KCNQ3: variants seen among roughly 807,000 people sequenced by gnomAD.
KCNQ3 encodes the protein potassium voltage-gated channel subfamily KQT member 3.
A neutral mutation model predicts 92.5 loss-of-function variants in KCNQ3; 30 were observed. The observed-to-expected ratio is 0.32, with a 90% CI of 0.24 to 0.44. The LOEUF is 0.44. KCNQ3 is among the 20% of genes least tolerant of loss of function. KCNQ3 has a pLI of 1.00. For synonymous variants in KCNQ3, 450 were observed against 468.8 expected, an observed-to-expected ratio of 0.96 and a Z score of 0.52; for missense variants, 913 against 1,140.3, an observed-to-expected ratio of 0.80 and a Z score of 2.87.
chr8:132,233,682 A>G (rs1411630415), intron 1 of KCNQ3, among the ~76,000 whole-genome samples: 1 of 152,132 alleles, frequency 6.6e-6, no homozygotes, highest in Non-Finnish European at 1.5e-5. Context: ...AAATACATCA[A>G]TTTTCTTCAC....
intron 1 of KCNQ3, among the ~76,000 whole-genome samples, chr8:132,422,080 A>G (rs1198790855): frequency 6.6e-6 from 1 of 152,116 alleles, no homozygotes; most frequent in African/African-American, 2.4e-5. Flanking sequence ...CCACCAGCTC[A>G]CACCAACAAT....
intron 1 of KCNQ3, among the ~76,000 whole-genome samples, chr8:132,449,077 T>C (rs1476441683): frequency 6.6e-6 from 1 of 152,206 alleles, no homozygotes; most frequent in African/African-American, 2.4e-5. Context: ...GAGCATGTTC[T>C]TCAGCTACGA....
intron 1 of KCNQ3, among the ~76,000 whole-genome samples, chr8:132,241,159 G>A (rs1814985792): frequency 6.6e-6 from 1 of 152,148 alleles, no homozygotes; most frequent in Admixed American, 6.5e-5. Context: ...AAAGTGCTGA[G>A]ATTACAGGTG....
intron 13 of KCNQ3, among the ~76,000 whole-genome samples, chr8:132,132,883 C>T (rs544434695): frequency 2.0e-5 from 3 of 152,138 alleles, no homozygotes; most frequent in Non-Finnish European, 4.4e-5. Flanking sequence ...GCAGATAGAA[C>T]TTTCAGGGAG....
chr8:132,278,486 G>A (rs937609252), intron 1 of KCNQ3, among the ~76,000 whole-genome samples: 5 of 152,134 alleles, frequency 3.3e-5, no homozygotes, highest in African/African-American at 7.2e-5. Context: ...ACTTTCCCAC[G>A]ACAGTTTATT....
chr8:132,367,572 T>A (rs112882599), intron 1 of KCNQ3, among the ~76,000 whole-genome samples: 2,968 of 152,324 alleles, frequency 0.019, 35 homozygotes, highest in Non-Finnish European at 0.025. Context: ...GCTTTTTCAA[T>A]ACAAAACAGT....
At chr8:132,159,479 G>T (rs1311675497) in intron 9 of KCNQ3, among the ~76,000 whole-genome samples, 1 of 152,198 alleles carries the variant, frequency 6.6e-6, no homozygotes, top group African/African-American at 2.4e-5. Flanking sequence ...GGTAGAGATT[G>T]TCCAGGGTGT....
chr8:132,456,867 C>T (rs1302501560), intron 1 of KCNQ3, among the ~76,000 whole-genome samples: 1 of 152,196 alleles, frequency 6.6e-6, no homozygotes, highest in Non-Finnish European at 1.5e-5. Flanking sequence ...CCCGCCTCAG[C>T]CTCCCAAAGT....
intron 1 of KCNQ3, among the ~76,000 whole-genome samples, chr8:132,271,657 A>T (rs1276009061): frequency 6.6e-6 from 1 of 152,190 alleles, no homozygotes; most frequent in Non-Finnish European, 1.5e-5. Flanking sequence ...AAGGAATATA[A>T]TAAATGTACT....
intron 1 of KCNQ3, among the ~76,000 whole-genome samples, chr8:132,262,925 G>A (rs6991520): frequency 0.013 from 1,953 of 152,254 alleles, 31 homozygotes; most frequent in African/African-American, 0.043. Context: ...ACTCATCAGT[G>A]AGTCTATGAG....
chr8:132,217,175 A>G (rs1814057839), intron 1 of KCNQ3, among the ~76,000 whole-genome samples: 1 of 152,148 alleles, frequency 6.6e-6, no homozygotes, highest in South Asian at 2.1e-4. Context: ...CCACGGTGGG[A>G]GTATTTATAC....
chr8:132,335,999 G>A (rs1448367915), intron 1 of KCNQ3, among the ~76,000 whole-genome samples: 1 of 152,174 alleles, frequency 6.6e-6, no homozygotes, highest in East Asian at 1.9e-4. Context: ...TTGTAGAGAA[G>A]AGGATCCTTC....
intron 9 of KCNQ3, among the ~76,000 whole-genome samples, chr8:132,149,669 C>A (rs188269379): frequency 1.5e-4 from 23 of 152,330 alleles, no homozygotes; most frequent in African/African-American, 5.3e-4. Flanking sequence ...TCCACACCCA[C>A]CCCAAGGGCC....
intron 1 of KCNQ3, among the ~76,000 whole-genome samples, chr8:132,424,201 G>C (rs965572213): frequency 1.3e-5 from 2 of 151,686 alleles, no homozygotes; most frequent in African/African-American, 4.8e-5. Flanking sequence ...TGCCTCTGAG[G>C]GGCGCAGACA....
At chr8:132,421,536 T>G (rs1820966734) in intron 1 of KCNQ3, among the ~76,000 whole-genome samples, 1 of 151,902 alleles carries the variant, frequency 6.6e-6, no homozygotes, top group South Asian at 2.1e-4. Context: ...TGACCTAGGG[T>G]GTGTGGGTCG....
In KCNQ3 at chr8:132,128,520, T is replaced by A. The variant is rs1824743733; in HGVS notation, c.*742A>T. Reference sequence around the variant, plus strand: ...TTAACTTTGTGTATGTGTGTGTGTGTGTGTGTGTGTGTGTGTGTGTGTGTG... The same window carrying A: ...TTAACTTTGTGTATGTGTGTGTGTGAGTGTGTGTGTGTGTGTGTGTGTGTG... On this transcript the variant is annotated 3_prime_UTR_variant, in exon 15 of 15. Transcript: ENST00000388996. 2 of 151,350 alleles carry A rather than the reference T, an allele frequency of 1.3e-5. No individual in the cohort carries two copies. The highest frequency in any genetic ancestry group is 6.6e-5 in the Admixed American group (1 of 15,218). The allele number at this position is 151,350 out of a possible 1,614,324, so 9.4% of individuals were successfully genotyped here. A position where few individuals can be genotyped will look rare whatever the true frequency, so the allele number is the denominator to read the frequency against.
chr8:132,281,167 T>G (rs925318532), intron 1 of KCNQ3, among the ~76,000 whole-genome samples: 1 of 152,132 alleles, frequency 6.6e-6, no homozygotes, highest in Non-Finnish European at 1.5e-5. Context: ...CTGGACCAAT[T>G]TGGAAACAGA....
chr8:132,205,078 C>T (rs140053511), intron 1 of KCNQ3, among the ~76,000 whole-genome samples: 1 of 152,318 alleles, frequency 6.6e-6, no homozygotes, highest in East Asian at 1.9e-4. Context: ...GGCTCACTCT[C>T]ATCAGGATCA....
rs143838523 is a variant in KCNQ3 at position 132,139,864 on chromosome 8, C to T, written c.1568+212G>A. ...GTGTTTATAACAAGGCAGGTACCTA[C>T]GAGTCACCCATCATGACTTGCTAAC... is the stretch of plus-strand genomic sequence containing the variant. On this transcript the variant is annotated intron_variant, in intron 11 of 14. Transcript: ENST00000388996. Among the ~76,000 whole-genome samples the T allele has an allele frequency of 0.015, 2,261 of 152,226 alleles. 28 individuals are homozygous for T. The highest frequency in any genetic ancestry group is 0.031 in the Middle Eastern group (9 of 294).
Sources: allele counts gnomAD v4.1 joint callset (sites outside exome capture counted in the v4.1 genomes callset), GRCh38; gene constraint gnomAD v4.1.1; transcripts MANE v1.5; gene names NCBI Gene and HGNC (gene_info 2026-07-23, HGNC 2026-07-21).